TMEM132B: variants seen among roughly 807,000 people sequenced by gnomAD.
TMEM132B encodes transmembrane protein 132B.
TMEM132B carries 18 observed loss-of-function variants against 90.8 expected under a neutral mutation model. That is an observed-to-expected ratio of 0.20 (90% CI 0.14 to 0.29). The LOEUF (loss-of-function observed/expected upper bound fraction) is 0.29, where lower values mean the gene tolerates loss of function less well. TMEM132B is among the 10% of genes least tolerant of loss of function. The pLI is 1.00. For synonymous variants in TMEM132B, 504 were observed against 523.3 expected (o/e 0.96, Z 0.50); for missense variants, 1,096 against 1,326.8 (o/e 0.83, Z 2.70).
chr12:125,215,748 C>G (rs915895855), intron 1 of TMEM132B, among the ~76,000 whole-genome samples: 1 of 152,134 alleles, frequency 6.6e-6, no homozygotes, highest in African/African-American at 2.4e-5. Flanking sequence ...CACCATGTTG[C>G]CCAGGCTGGT....
chr12:125,306,346 A>G (rs1374116701), intron 1 of TMEM132B, among the ~76,000 whole-genome samples: 1 of 152,188 alleles, frequency 6.6e-6, no homozygotes, highest in Admixed American at 6.5e-5. Flanking sequence ...TATTCAATCT[A>G]TCTCCAGCCA....
At chr12:125,426,305 T>TA (rs199828527) in intron 3 of TMEM132B, among the ~76,000 whole-genome samples, 1,686 of 152,318 alleles carry the variant, frequency 0.011, 30 homozygotes, top group African/African-American at 0.037. Context: ...GTTCTTTTTT[T>TA]TTATTATATG....
intron 4 of TMEM132B, among the ~76,000 whole-genome samples, chr12:125,553,038 C>T (rs185932035): frequency 2.6e-5 from 4 of 152,322 alleles, no homozygotes; most frequent in East Asian, 3.9e-4. Flanking sequence ...TTCACATTCT[C>T]GACATTGTAG....
intron 4 of TMEM132B, among the ~76,000 whole-genome samples, chr12:125,521,408 A>G (rs1419490622): frequency 6.6e-6 from 1 of 152,238 alleles, no homozygotes; most frequent in Non-Finnish European, 1.5e-5. Context: ...TAAGGGCACT[A>G]GGGTACATAG....
intron 4 of TMEM132B, among the ~76,000 whole-genome samples, chr12:125,557,642 T>C (rs1884423908): frequency 6.6e-6 from 1 of 152,212 alleles, no homozygotes; most frequent in Admixed American, 6.5e-5. Context: ...AATTCATTCA[T>C]TTATTCACTG....
chr12:125,557,760 G>A (rs1238224764), intron 4 of TMEM132B, among the ~76,000 whole-genome samples: 1 of 152,186 alleles, frequency 6.6e-6, no homozygotes, highest in Non-Finnish European at 1.5e-5. Flanking sequence ...TGGTGTCAAG[G>A]GGAGAAAACA....
At chr12:125,483,094 G>A (rs1226799338) in intron 3 of TMEM132B, among the ~76,000 whole-genome samples, 4 of 150,754 alleles carry the variant, frequency 2.7e-5, no homozygotes, top group Non-Finnish European at 4.4e-5. Flanking sequence ...GGGGCCTGTC[G>A]TGGGGTGGGG....
intron 1 of TMEM132B, among the ~76,000 whole-genome samples, chr12:125,341,387 CTGAT>C (rs1877175236): frequency 6.6e-6 from 1 of 152,144 alleles, no homozygotes. Context: ...GATTAAGTAA[CTGAT>C]GACTTAATGA....
intron 4 of TMEM132B, among the ~76,000 whole-genome samples, chr12:125,539,626 G>C (rs11058230): frequency 0.21 from 32,449 of 152,142 alleles, 3,896 homozygotes; most frequent in Non-Finnish European, 0.28. Flanking sequence ...CTGTCATTTT[G>C]AGTGAACTTT....
rs535456697 is a variant in TMEM132B, at chr12:125,419,311, G to A, written c.1106+3634G>A. Among the ~76,000 whole-genome samples, 5 of 152,286 alleles carry A rather than the reference G, an allele frequency of 3.3e-5. No individual in the cohort carries two copies. The East Asian group carries it at 5.8e-4, about 18-fold the overall frequency. On this transcript the variant is annotated intron_variant, in intron 3 of 8. Coordinates refer to ENST00000682704, the MANE Select transcript of TMEM132B (RefSeq NM_001366854.1). Reference sequence around the variant, plus strand: ...TGCTAATTAAGACATACCCAAGACCGGATAATTTATGGAGGAAAGAGGTTT... The same window carrying A: ...TGCTAATTAAGACATACCCAAGACCAGATAATTTATGGAGGAAAGAGGTTT...
intron 1 of TMEM132B, among the ~76,000 whole-genome samples, chr12:125,269,372 C>T (rs564356993): frequency 2.0e-4 from 31 of 152,232 alleles, no homozygotes; most frequent in African/African-American, 6.5e-4. Flanking sequence ...CTTTGTGGAG[C>T]GAGGCAGGCA....
intron 6 of TMEM132B, among the ~76,000 whole-genome samples, chr12:125,647,309 G>C (rs1360662371): frequency 6.6e-6 from 1 of 152,158 alleles, no homozygotes; most frequent in South Asian, 2.1e-4. Context: ...CAGAAATAAT[G>C]GCTGAAAACC....
intron 1 of TMEM132B, among the ~76,000 whole-genome samples, chr12:125,281,215 G>A (rs797015597): frequency 2.2e-4 from 34 of 152,324 alleles, no homozygotes; most frequent in African/African-American, 7.9e-4. Flanking sequence ...CAAATGCGGA[G>A]TGGGTGTGAG....
chr12:125,409,383 A>G (rs981208651), intron 2 of TMEM132B, among the ~76,000 whole-genome samples: 2 of 152,158 alleles, frequency 1.3e-5, no homozygotes, highest in Non-Finnish European at 2.9e-5. Flanking sequence ...CCTGGAGGCT[A>G]CTGGAACCCG....
chr12:125,367,582 A>C (rs1262236770), intron 2 of TMEM132B, among the ~76,000 whole-genome samples: 1 of 151,928 alleles, frequency 6.6e-6, no homozygotes, highest in Non-Finnish European at 1.5e-5. Flanking sequence ...TCCCAACTGC[A>C]TTTTTTTCCA....
intron 3 of TMEM132B, among the ~76,000 whole-genome samples, chr12:125,462,103 G>A (rs1025354317): frequency 1.3e-5 from 2 of 152,176 alleles, no homozygotes; most frequent in Non-Finnish European, 2.9e-5. Context: ...TCTGAAGCAC[G>A]TGGACTAAAA....
intron 2 of TMEM132B, among the ~76,000 whole-genome samples, chr12:125,403,795 C>T (rs1031689908): frequency 3.9e-5 from 6 of 152,148 alleles, no homozygotes; most frequent in Admixed American, 2.0e-4. Flanking sequence ...ACCTCTCCCA[C>T]GTGATTAGGA....
chr12:125,482,769 C>T (rs1378639555), intron 3 of TMEM132B, among the ~76,000 whole-genome samples: 1 of 152,166 alleles, frequency 6.6e-6, no homozygotes, highest in Non-Finnish European at 1.5e-5. Flanking sequence ...GATTGTAAAT[C>T]ATGCTAGTAT....
At chr12:125,549,206 A>G (rs1294792401) in intron 4 of TMEM132B, among the ~76,000 whole-genome samples, 37 of 152,206 alleles carry the variant, frequency 2.4e-4, no homozygotes, top group Admixed American at 2.4e-3. Context: ...GCTTGTGATA[A>G]CAAGCAGTGT....
Sources: gnomAD v4.1 joint callset for allele counts (sites outside exome capture counted in the v4.1 genomes callset) on GRCh38, gnomAD v4.1.1 for gene constraint, MANE v1.5 for transcripts, NCBI Gene and HGNC (gene_info 2026-07-23, HGNC 2026-07-21) for gene names.